PCDHGA4: variants seen among roughly 807,000 people sequenced by gnomAD.
The protein encoded by PCDHGA4 is protocadherin gamma subfamily A, 4.
In PCDHGA4, 38 loss-of-function variants were observed where a neutral mutation model predicts 54.6. The observed-to-expected ratio is 0.70, with a 90% CI of 0.54 to 0.91. The LOEUF (loss-of-function observed/expected upper bound fraction) is 0.91, where lower values mean the gene tolerates loss of function less well. Ranked by LOEUF, PCDHGA4 falls within the 40% of genes least tolerant of loss-of-function variation. PCDHGA4 has a pLI of 0.00. For synonymous variants in PCDHGA4, 511 were observed against 512.9 expected (o/e 1.00, Z 0.05); for missense variants, 1,298 against 1,220.9 (o/e 1.06, Z -0.94).
intron 1 of PCDHGA4, chr5:141,371,080 G>A: frequency 1.2e-6 from 2 of 1,613,876 alleles, no homozygotes; most frequent in Non-Finnish European, 1.7e-6. Flanking sequence ...ACCCAGATCA[G>A]GGTAATTGTC....
chr5:141,397,194 A>G (rs1362793784), intron 1 of PCDHGA4, among the ~76,000 whole-genome samples: 1 of 152,240 alleles, frequency 6.6e-6, no homozygotes, highest in Admixed American at 6.5e-5. Flanking sequence ...GTACTGTAAA[A>G]GATATGACAT....
Position 141,405,636 on chromosome 5 carries a change from G to A in PCDHGA4, c.2514+48015G>A, listed in dbSNP as rs546836247. 7 of 528,588 alleles carry A rather than the reference G, an allele frequency of 1.3e-5. 1 individual carries two copies. The highest frequency in any genetic ancestry group is 8.1e-5 in the South Asian group (3 of 37,242). The allele number at this position is 528,588 out of a possible 1,614,324, so 32.7% of individuals were successfully genotyped here. A position where few individuals can be genotyped will look rare whatever the true frequency, so the allele number is the denominator to read the frequency against. On this transcript the variant is annotated intron_variant, in intron 1 of 3. Coordinates refer to ENST00000571252, the MANE Select transcript of PCDHGA4 (RefSeq NM_018917.4). ...ACTACAGGCACGTGCCACCACGCCC[G>A]GCTAATTTTTTGTGTGTTTTTAGTA...
chr5:141,447,225 C>T (rs966197293), intron 1 of PCDHGA4, among the ~76,000 whole-genome samples: 9 of 151,960 alleles, frequency 5.9e-5, no homozygotes, highest in African/African-American at 7.3e-5. Flanking sequence ...CTGCAACCTC[C>T]GCCTCCCGGG....
At chr5:141,475,103 G>A (rs771784343) in intron 1 of PCDHGA4, among the ~76,000 whole-genome samples, 1 of 152,176 alleles carries the variant, frequency 6.6e-6, no homozygotes, top group Non-Finnish European at 1.5e-5. Flanking sequence ...AAGATCCTAG[G>A]TGGTAAATAG....
At chr5:141,403,638 A>C in intron 1 of PCDHGA4, 1 of 1,613,906 alleles carries the variant, frequency 6.2e-7, no homozygotes, top group East Asian at 2.2e-5. Context: ...GTGCGCATCC[A>C]TGTGACAGTG....
intron 1 of PCDHGA4, chr5:141,372,333 C>G: frequency 6.2e-7 from 1 of 1,613,732 alleles, no homozygotes; most frequent in Non-Finnish European, 8.5e-7. Context: ...GGTCACTGTG[C>G]GTGATGGAGG....
intron 1 of PCDHGA4, chr5:141,366,371 C>G (rs780787385): frequency 6.2e-7 from 1 of 1,613,992 alleles, no homozygotes; most frequent in Non-Finnish European, 8.5e-7. Context: ...TATCAAGACC[C>G]CCATTGACCC....
chr5:141,481,104 C>T (rs2099531861), intron 1 of PCDHGA4, among the ~76,000 whole-genome samples: 1 of 152,130 alleles, frequency 6.6e-6, no homozygotes. Context: ...ACTCTGGAAC[C>T]TACCAATCCA....
At chr5:141,412,934 G>A (rs1232539262) in intron 1 of PCDHGA4, 1 of 453,932 alleles carries the variant, frequency 2.2e-6, no homozygotes, top group African/African-American at 2.0e-5. Context: ...TAACTTCTTA[G>A]GACTCTGAGC....
At chr5:141,414,748 G>A in intron 1 of PCDHGA4, 5 of 1,614,182 alleles carry the variant, frequency 3.1e-6, no homozygotes, top group Non-Finnish European at 4.2e-6. Context: ...CAGATCCTTC[G>A]ACTATGAGCA....
chr5:141,511,351 C>G lies in PCDHGA4; in HGVS notation c.*178C>G, dbSNP rs1190324197. On this transcript the variant is annotated 3_prime_UTR_variant, in exon 4 of 4. Coordinates refer to ENST00000571252, the MANE Select transcript of PCDHGA4 (RefSeq NM_018917.4). The stretch of plus-strand genomic sequence containing the variant: ...CCAGTCAGCACCTACCCCTTCCCCC[C>G]CAGGGGGTTGAATATGCAAAAGCAG... 6 of 1,386,432 alleles carry G rather than the reference C, an allele frequency of 4.3e-6. No individual in the cohort carries two copies. The highest frequency in any genetic ancestry group is 2.9e-5 in the African/African-American group (2 of 68,574). The allele number at this position is 1,386,432 out of a possible 1,614,324, so 85.9% of individuals were successfully genotyped here.
Position 141,431,180 on chromosome 5 carries a change from A to C in PCDHGA4, c.2515-63627A>C. The C allele has an allele frequency of 6.2e-7, 1 of 1,614,246 alleles. No homozygotes were observed. The highest frequency in any genetic ancestry group is 8.5e-7 in the Non-Finnish European group (1 of 1,180,044). On this transcript the variant is annotated intron_variant, in intron 1 of 3. Transcript: ENST00000571252. This position sits in a 1 kb window ranked among gnomAD's most constrained non-coding sequence, Gnocchi z 4.8. ...CTTTCGTGAAAGTGAATTAGAAATA[A>C]AAATTAGTGAAAATGCAGCCACTGA...
chr5:141,365,956 T>C (rs757991507), intron 1 of PCDHGA4: 1 of 1,614,208 alleles, frequency 6.2e-7, no homozygotes, highest in South Asian at 1.1e-5. Flanking sequence ...ACCCTCCACT[T>C]AGCAGCAACG....
intron 1 of PCDHGA4, among the ~76,000 whole-genome samples, chr5:141,381,770 A>G (rs1309418172): frequency 1.3e-5 from 2 of 151,484 alleles, no homozygotes; most frequent in Non-Finnish European, 2.9e-5. Flanking sequence ...TATATAATCA[A>G]TAATCAGGAA....
chr5:141,370,608 A>G, intron 1 of PCDHGA4: 1 of 1,613,954 alleles, frequency 6.2e-7, no homozygotes, highest in Non-Finnish European at 8.5e-7. Context: ...TATTGCAGAG[A>G]AGAAATTCTT....
At chr5:141,498,419 G>A (rs78940285) in intron 2 of PCDHGA4, among the ~76,000 whole-genome samples, 4,023 of 152,260 alleles carry the variant, frequency 0.026, 75 homozygotes, top group Non-Finnish European at 0.043. Flanking sequence ...TGCTGGCACT[G>A]GAGTGAGGGG....
chr5:141,384,283 G>C (rs762515266), intron 1 of PCDHGA4: 19 of 1,613,644 alleles, frequency 1.2e-5, no homozygotes, highest in South Asian at 2.2e-5. Flanking sequence ...AGTCTACATC[G>C]CTGAGAACAA....
At position 141,366,426 on chromosome 5, in the gene PCDHGA4, C is replaced by T. The variant is rs764011656; in HGVS notation, c.2514+8805C>T. On this transcript the variant is annotated intron_variant, in intron 1 of 3. Transcript: ENST00000571252. ...CTCTATCTTGTGGTGGCAGTGGCTG[C>T]AGTCTCCTGCGTCTTCCTGGCCTTC... 1.7e-5 allele frequency: 27 copies of T among 1,613,942 alleles called. No homozygotes were observed. Among genetic ancestry groups the T allele is most frequent in the Middle Eastern group, 1.6e-4 (1 of 6,084 alleles).
chr5:141,392,299 T>C (rs1165805349), intron 1 of PCDHGA4: 1 of 151,994 alleles, frequency 6.6e-6, no homozygotes, highest in African/African-American at 2.4e-5. Flanking sequence ...GAAATGAAAG[T>C]ATCATGTTTT....
Sources: allele counts gnomAD v4.1 joint callset (sites outside exome capture counted in the v4.1 genomes callset), GRCh38; gene constraint gnomAD v4.1.1; non-coding constraint Gnocchi (gnomAD v3.1); transcripts MANE v1.5; gene names NCBI Gene and HGNC (gene_info 2026-07-23, HGNC 2026-07-21).